The following RYR3 variants were observed in gnomAD, a reference collection of about 807,000 sequenced individuals.
RYR3 encodes ryanodine receptor 3.
A neutral mutation model predicts 584.3 loss-of-function variants in RYR3; 207 were observed. The observed-to-expected ratio is 0.35, with a 90% CI of 0.32 to 0.40. The LOEUF is 0.40. Among genes scored for constraint, RYR3 ranks in the 10% least tolerant of loss-of-function variants. The pLI, the probability that RYR3 is intolerant of heterozygous loss-of-function variation, is 1.00. For missense variants in RYR3, 5,616 were observed against 6,089.2 expected, an observed-to-expected ratio of 0.92 and a Z score of 2.59; for synonymous variants, 2,416 against 2,248.5, an observed-to-expected ratio of 1.07 and a Z score of -2.11.
chr15:33,500,345 T>C (rs1321517331), intron 2 of RYR3, among the ~76,000 whole-genome samples: 3 of 152,094 alleles, frequency 2.0e-5, no homozygotes, highest in African/African-American at 7.2e-5. Context: ...GATAGAGAAA[T>C]GCTAAATGAC....
chr15:33,821,390 A>G (rs1165893280), intron 79 of RYR3, 21 bp downstream of exon 79: 2 of 1,592,272 alleles, frequency 1.3e-6, no homozygotes, highest in South Asian at 2.3e-5. Flanking sequence ...TAGTTTCTGG[A>G]TGGGCTTATG....
chr15:33,681,476 A>C (rs562512271), intron 38 of RYR3, among the ~76,000 whole-genome samples: 1 of 152,246 alleles, frequency 6.6e-6, no homozygotes, highest in Admixed American at 6.5e-5. Flanking sequence ...AAGGTAACAT[A>C]TTCATAGGTT....
intron 38 of RYR3, among the ~76,000 whole-genome samples, chr15:33,692,224 C>T (rs1441365899): frequency 1.3e-5 from 2 of 152,170 alleles, no homozygotes; most frequent in Non-Finnish European, 2.9e-5. Flanking sequence ...TGCTGATGCA[C>T]GGGAGCTAAT....
At chr15:33,341,126 C>G (rs886084136) in intron 1 of RYR3, among the ~76,000 whole-genome samples, 9 of 152,112 alleles carry the variant, frequency 5.9e-5, no homozygotes, top group Middle Eastern at 3.2e-3. Flanking sequence ...GCAACCTCCT[C>G]CTCCTGGGTT....
At chr15:33,857,718 G>A (rs2079841777) in intron 98 of RYR3, 62 bp from the exon 99 acceptor site, 1 of 1,600,564 alleles carries the variant, frequency 6.2e-7, no homozygotes. Flanking sequence ...AGAGTCTCCT[G>A]TGAACCTTTC....
chr15:33,811,777 G>A (rs2076563425), intron 72 of RYR3, among the ~76,000 whole-genome samples: 1 of 152,040 alleles, frequency 6.6e-6, no homozygotes, highest in Admixed American at 6.6e-5. Context: ...AGCACTTCCT[G>A]CTCTAAAGAG....
chr15:33,601,348 T>C, intron 16 of RYR3, 71 bp from the exon 17 acceptor site: 1 of 1,499,100 alleles, frequency 6.7e-7, no homozygotes, highest in Non-Finnish European at 9.2e-7. Context: ...CCTTCCCTCA[T>C]GCATTGTGGT....
chr15:33,841,929 A>C lies in RYR3; in HGVS notation c.13103A>C (p.Glu4368Ala), dbSNP rs372365285. Reference sequence around the variant, plus strand: ...GAGCAAGCTGAGTACCTGTGGACAGAAGTGACAAAAAAGAAGAAGCGGCGG... The same window carrying C: ...GAGCAAGCTGAGTACCTGTGGACAGCAGTGACAAAAAAGAAGAAGCGGCGG... ...EEEQAEYLWT[E>A]VTKKKKRRCG... The change falls in exon 91 of 104, where the codon GAA becomes GCA. Residue 4368 changes from glutamate (E) to alanine (A), a missense_variant. Transcript: ENST00000634891. 19 of 1,599,262 alleles carry C rather than the reference A, an allele frequency of 1.2e-5. No individual in the cohort carries two copies. The highest frequency in any genetic ancestry group is 1.5e-5 in the Non-Finnish European group (18 of 1,172,942).
chr15:33,603,068 T>C, intron 17 of RYR3, 55 bp from the exon 18 acceptor site: 1 of 1,596,928 alleles, frequency 6.3e-7, no homozygotes, highest in Admixed American at 1.7e-5. Context: ...TGGTTCAACT[T>C]GCTTTCTCAG....
At chr15:33,336,545 G>A (rs558113612) in intron 1 of RYR3, among the ~76,000 whole-genome samples, 4,178 of 67,652 alleles carry the variant, frequency 0.062, 1,358 homozygotes, top group African/African-American at 0.13. Flanking sequence ...AAGGAGGGAA[G>A]GAGGGAAGGA....
chr15:33,855,209 T>A (rs1018192620), intron 98 of RYR3, among the ~76,000 whole-genome samples: 1 of 152,084 alleles, frequency 6.6e-6, no homozygotes, highest in Non-Finnish European at 1.5e-5. Context: ...GAGATCTTTT[T>A]TTTTTTGTGA....
At chr15:33,393,717 C>T (rs1385467120) in intron 1 of RYR3, among the ~76,000 whole-genome samples, 3 of 152,118 alleles carry the variant, frequency 2.0e-5, no homozygotes, top group Admixed American at 6.5e-5. Context: ...TTCTCAGAGC[C>T]GCTATTGGAT....
chr15:33,687,335 A>G (rs1271936734), intron 38 of RYR3, among the ~76,000 whole-genome samples: 3 of 152,202 alleles, frequency 2.0e-5, no homozygotes, highest in South Asian at 2.1e-4. Flanking sequence ...AGAATAAAAT[A>G]CCTAGGAATC....
rs535588498 is a variant in RYR3, at chr15:33,698,481, G to A, written c.6249+485G>A. ...TCATAAGGAGCCCGCATCAGGGGGAGCTCCTGTTGCTAAGGGGAGAGTTGT... is the reference window on the plus strand; with the variant it reads ...TCATAAGGAGCCCGCATCAGGGGGAACTCCTGTTGCTAAGGGGAGAGTTGT... On this transcript the variant is annotated intron_variant, in intron 40 of 103. Transcript: ENST00000634891. Among the ~76,000 whole-genome samples the A allele has an allele frequency of 4.6e-5, 7 of 152,334 alleles. No individual in the cohort carries two copies. In the South Asian group the frequency reaches 1.4e-3, roughly 32 times the overall value.
chr15:33,696,275 T>G lies in RYR3; in HGVS notation c.5918T>G (p.Ile1973Ser). ...TMICWAQEDQIQDSELVRMMF... is the reference protein window; with the variant it reads ...TMICWAQEDQSQDSELVRMMF... ...ATCTGCTGGGCCCAGGAGGACCAGATCCAGGATTCAGAGCTGGTCCGAATG... is the reference window on the plus strand; with the variant it reads ...ATCTGCTGGGCCCAGGAGGACCAGAGCCAGGATTCAGAGCTGGTCCGAATG... The change falls in exon 39 of 104, where the codon ATC becomes AGC. Residue 1973 changes from isoleucine to serine, a missense_variant. Around this residue, in one of 9 missense-constraint regions of RYR3, gnomAD observed 1,280 missense variants for 1,426.2 expected, o/e 0.90. Transcript: ENST00000634891. 1 of 1,613,746 alleles carries G rather than the reference T, an allele frequency of 6.2e-7. No individual in the cohort carries two copies. Among genetic ancestry groups the G allele is most frequent in the Non-Finnish European group, 8.5e-7 (1 of 1,179,846 alleles).
chr15:33,843,731 T>A (rs768337815), intron 92 of RYR3, among the ~76,000 whole-genome samples, 157 bp downstream of exon 92: 3 of 152,216 alleles, frequency 2.0e-5, no homozygotes, highest in Admixed American at 6.5e-5. Context: ...GGAATACAAT[T>A]TCTAGCAGTG....
intron 38 of RYR3, among the ~76,000 whole-genome samples, chr15:33,694,562 A>G (rs1233058859): frequency 2.6e-5 from 4 of 151,238 alleles, no homozygotes; most frequent in Non-Finnish European, 1.5e-5. Context: ...TTTGAATAAT[A>G]TGACAGACAA....
chr15:33,542,134 G>GA (rs545463532), intron 7 of RYR3, among the ~76,000 whole-genome samples: 218 of 152,208 alleles, frequency 1.4e-3, no homozygotes, highest in African/African-American at 5.1e-3. Context: ...TTGCTCTGTA[G>GA]AAAAATGTCC....
At chr15:33,608,170 G>C (rs2060001124) in intron 18 of RYR3, among the ~76,000 whole-genome samples, 1 of 152,208 alleles carries the variant, frequency 6.6e-6, no homozygotes, top group Admixed American at 6.5e-5. Flanking sequence ...GGGTACCACT[G>C]TGCCCATTTT....
Sources: gnomAD v4.1 joint callset for allele counts (sites outside exome capture counted in the v4.1 genomes callset) on GRCh38, gnomAD v4.1.1 for gene constraint, gnomAD v4.1.1 regional missense constraint, MANE v1.5 for transcripts, NCBI Gene and HGNC (gene_info 2026-07-23, HGNC 2026-07-21) for gene names.